Variants in SV2C observed in about 807,000 individuals in gnomAD.
SV2C encodes the protein synaptic vesicle glycoprotein 2C, also known as solute carrier family 22 member B3.
SV2C carries 49 observed loss-of-function variants against 79.7 expected under a neutral mutation model. The observed-to-expected ratio is 0.61, with a 90% CI of 0.49 to 0.78. The LOEUF (loss-of-function observed/expected upper bound fraction) is 0.78. SV2C is among the 30% of genes least tolerant of loss of function. The pLI is 0.00. For synonymous variants in SV2C, 334 were observed against 333.2 expected (o/e 1.00, Z -0.03); for missense variants, 833 against 912.9 (o/e 0.91, Z 1.13).
intron 1 of SV2C, among the ~76,000 whole-genome samples, chr5:76,120,320 GT>G (rs1748439354): frequency 6.8e-6 from 1 of 147,580 alleles, no homozygotes; most frequent in African/African-American, 2.5e-5. Context: ...GATTTTTTTT[GT>G]TTTGTTTTTT....
the SV2C span, among the ~76,000 whole-genome samples, chr5:75,989,203 T>C: frequency 1.8e-4 from 28 of 151,964 alleles, no homozygotes; most frequent in Non-Finnish European, 3.5e-4. Context: ...GTCTGTTACA[T>C]AAGTAAACGT....
chr5:76,099,174 C>T (rs1747658470), intron 1 of SV2C, among the ~76,000 whole-genome samples: 1 of 152,080 alleles, frequency 6.6e-6, no homozygotes, highest in South Asian at 2.1e-4. Flanking sequence ...TGTATGTGAT[C>T]TGCTGGCTTA....
chr5:76,342,711 G>A (rs1749465971), intron 12 of SV2C, among the ~76,000 whole-genome samples: 2 of 152,160 alleles, frequency 1.3e-5, no homozygotes, highest in African/African-American at 4.8e-5. Context: ...TAACCTCTCT[G>A]GGCCTCAATT....
chr5:76,187,817 TC>T (rs1743968679), intron 2 of SV2C, among the ~76,000 whole-genome samples: 1 of 152,218 alleles, frequency 6.6e-6, no homozygotes, highest in Non-Finnish European at 1.5e-5. Flanking sequence ...TCAGGTATCT[TC>T]TTTTCAGAAC....
Position 76,249,776 on chromosome 5 carries a change from G to A in SV2C, c.914-35386G>A, listed in dbSNP as rs963681669. ...GCAGGTAGGTGTGTGTTGCTGATGC[G>A]CATGGCTGTGTTTTTGTGCGGCGTC... On this transcript the variant is annotated intron_variant, in intron 4 of 12. Transcript: ENST00000502798. 3.9e-5 allele frequency among the ~76,000 whole-genome samples: 6 copies of A among 152,218 alleles called. No individual in the cohort carries two copies. The East Asian group carries it at 7.7e-4, about 20-fold the overall frequency.
At chr5:76,017,115 C>T in the SV2C span, among the ~76,000 whole-genome samples, 1 of 152,306 alleles carries the variant, frequency 6.6e-6, no homozygotes, top group East Asian at 1.9e-4. Context: ...TATTCATTGT[C>T]TCTTTTTCCA....
At chr5:75,851,718 G>T in the SV2C span, among the ~76,000 whole-genome samples, 2 of 152,086 alleles carry the variant, frequency 1.3e-5, no homozygotes, top group Middle Eastern at 3.2e-3. Context: ...TCGGCTCACT[G>T]CAAGCTCCCC....
rs117228989 is a variant in SV2C, at chr5:76,199,076, C to G, written c.761+3977C>G. Among the ~76,000 whole-genome samples the G allele has an allele frequency of 3.9e-5, 6 of 152,268 alleles. No individual in the cohort carries two copies. In the South Asian group the frequency reaches 6.2e-4, roughly 16 times the overall value. On this transcript the variant is annotated intron_variant, in intron 3 of 12. Coordinates refer to ENST00000502798, the MANE Select transcript of SV2C (RefSeq NM_014979.4). ...GATCCTCTTGTTTTCAAAGGCATAT[C>G]GTATTTAAACCCTTCATTCCTATTA...
intron 11 of SV2C, 39 bp downstream of exon 11, chr5:76,300,971 C>G: frequency 6.2e-7 from 1 of 1,608,544 alleles, no homozygotes; most frequent in East Asian, 2.2e-5. Flanking sequence ...AGAGCTGCCC[C>G]TGCAATCCAG....
chr5:76,154,397 C>G (rs1042027267), intron 2 of SV2C, among the ~76,000 whole-genome samples: 1 of 152,130 alleles, frequency 6.6e-6, no homozygotes, highest in Non-Finnish European at 1.5e-5. Context: ...TCACTGAGAG[C>G]CACAGATTTA....
intron 4 of SV2C, among the ~76,000 whole-genome samples, chr5:76,250,959 C>T (rs1450367598): frequency 1.3e-5 from 2 of 152,084 alleles, no homozygotes; most frequent in East Asian, 3.9e-4. Flanking sequence ...GATCTGAAAA[C>T]TACCAGGTAG....
intron 2 of SV2C, among the ~76,000 whole-genome samples, chr5:76,192,384 A>G (rs1744131361): frequency 6.6e-6 from 1 of 152,212 alleles, no homozygotes; most frequent in Non-Finnish European, 1.5e-5. Context: ...ACTTCTGACA[A>G]CTGTTTTCTT....
chr5:76,242,342 G>T, intron 4 of SV2C: 2 of 1,409,770 alleles, frequency 1.4e-6, no homozygotes, highest in Non-Finnish European at 2.0e-6. Context: ...GACGCGGGAC[G>T]CAGCGGCGCG....
intron 4 of SV2C, among the ~76,000 whole-genome samples, chr5:76,227,385 G>A (rs1003675580): frequency 1.3e-5 from 2 of 152,196 alleles, no homozygotes; most frequent in African/African-American, 4.8e-5. Flanking sequence ...AAGAAAAGCT[G>A]TAGAAGGGGC....
rs113297426 is a variant in SV2C, at chr5:76,237,134, C to A, written c.913+27247C>A. Among the ~76,000 whole-genome samples, 1,017 of 152,234 alleles carry A rather than the reference C, an allele frequency of 6.7e-3. 7 individuals are homozygous for A. The highest frequency in any genetic ancestry group is 0.023 in the African/African-American group (969 of 41,532). Reference sequence around the variant, plus strand: ...CTCTTTCCTTTATAAATTCCCCAGTCGTGGGTATTTCTTCATAGCAGTGTG... The same window carrying A: ...CTCTTTCCTTTATAAATTCCCCAGTAGTGGGTATTTCTTCATAGCAGTGTG... On this transcript the variant is annotated intron_variant, in intron 4 of 12. Transcript: ENST00000502798.
chr5:75,991,540 G>C, the SV2C span, among the ~76,000 whole-genome samples: 2 of 148,242 alleles, frequency 1.3e-5, no homozygotes, highest in South Asian at 4.2e-4. Flanking sequence ...TATATACCTT[G>C]TATGATTCCA....
At chr5:75,903,557 A>G in the SV2C span, among the ~76,000 whole-genome samples, 1 of 152,194 alleles carries the variant, frequency 6.6e-6, no homozygotes, top group African/African-American at 2.4e-5. Flanking sequence ...AGCATCCTGC[A>G]TATTAACCTG....
chr5:76,336,372 G>A (rs1268250869), downstream of SV2C, among the ~76,000 whole-genome samples: 2 of 151,646 alleles, frequency 1.3e-5, no homozygotes, highest in African/African-American at 4.8e-5. Flanking sequence ...TCCTAGATGG[G>A]ATGGCGGCCT....
chr5:76,232,490 G>A (rs1473305976), intron 4 of SV2C, among the ~76,000 whole-genome samples: 1 of 147,238 alleles, frequency 6.8e-6, no homozygotes, highest in African/African-American at 2.5e-5. Flanking sequence ...TGCTTTTGGT[G>A]TTTTAGACAT....
Sources: allele counts gnomAD v4.1 joint callset (sites outside exome capture counted in the v4.1 genomes callset), GRCh38; gene constraint gnomAD v4.1.1; transcripts MANE v1.5; gene names NCBI Gene and HGNC (gene_info 2026-07-23, HGNC 2026-07-21).